PDE4A: variants seen among roughly 807,000 people sequenced by gnomAD.
PDE4A encodes the protein 3',5'-cyclic-AMP phosphodiesterase 4A.
In PDE4A, 21 loss-of-function variants were observed where a neutral mutation model predicts 73.9. The ratio of observed to expected loss-of-function variants is 0.28; its 90% CI spans 0.20 to 0.41. PDE4A has a LOEUF of 0.41. Among genes scored for constraint, PDE4A ranks in the 10% least tolerant of loss-of-function variants. The probability of loss-of-function intolerance (pLI) is 1.00; values close to 1 mark genes in which losing one functional copy is unlikely to be tolerated. For missense variants in PDE4A, 958 were observed against 1,211.4 expected (o/e 0.79, Z 3.10); for synonymous variants, 463 against 505.4 (o/e 0.92, Z 1.13).
chr19:10,461,006 A>G lies in PDE4A; in HGVS notation c.1368A>G (p.Ala456=). The G allele has an allele frequency of 6.2e-7, 1 of 1,612,016 alleles. No individual in the cohort carries two copies. Among genetic ancestry groups the G allele is most frequent in the Non-Finnish European group, 8.5e-7 (1 of 1,178,466 alleles). ...AACATCCGTGTCTCTGCTCCCAGGC[A>G]GTGTTCACGGACCTGGAGATTCTCG... ...HVLLATPALD[A]VFTDLEILAA... Residue 456 remains alanine (A), a splice_region_variant and synonymous_variant, in exon 11 of 15, where the codon GCA becomes GCG. Transcript: ENST00000380702.
In PDE4A at chr19:10,420,877, G is replaced by A; in HGVS notation, c.113G>A (p.Arg38Gln). ...CCGCAGCACCTGTGGCGGCAGCCTC[G>A]GACCCCCATCCGTATCCAGCAGCGC... is the stretch of plus-strand genomic sequence containing the variant. ...PPPQHLWRQP[R>Q]TPIRIQQRGY... The change falls in exon 1 of 15, where the codon CGG becomes CAG. Residue 38 changes from arginine to glutamine, a missense_variant. Transcript: ENST00000380702. This position sits in a 1 kb window ranked among gnomAD's most constrained non-coding sequence, Gnocchi z 6.0. The A allele has an allele frequency of 6.3e-7, 1 of 1,589,576 alleles. No homozygotes were observed. The highest frequency in any genetic ancestry group is 2.3e-5 in the East Asian group (1 of 43,720).
chr19:10,439,220 C>T (rs573578784), intron 1 of PDE4A, among the ~76,000 whole-genome samples: 16 of 151,984 alleles, frequency 1.1e-4, no homozygotes, highest in Middle Eastern at 3.4e-3. Flanking sequence ...CTCATTCTGT[C>T]GGCCAGGCTG....
chr19:10,426,290 G>A (rs1413957990), intron 1 of PDE4A, among the ~76,000 whole-genome samples: 12 of 152,272 alleles, frequency 7.9e-5, no homozygotes, highest in East Asian at 1.9e-4. Flanking sequence ...AACACTGAGC[G>A]CCTTCAGAAC....
Position 10,469,227 on chromosome 19 carries a change from A to G in PDE4A, c.*1606A>G, listed in dbSNP as rs1040260086. 6.6e-6 allele frequency: 1 copy of G among 151,648 alleles called. No individual in the cohort carries two copies. The highest frequency in any genetic ancestry group is 1.5e-5 in the Non-Finnish European group (1 of 67,820). The allele number at this position is 151,648 out of a possible 1,614,324, so 9.4% of individuals were successfully genotyped here. A position where few individuals can be genotyped will look rare whatever the true frequency, so the allele number is the denominator to read the frequency against. On this transcript the variant is annotated 3_prime_UTR_variant, in exon 15 of 15. Coordinates refer to ENST00000380702, the MANE Select transcript of PDE4A (RefSeq NM_001111307.2). ...ATACTGTAAGGTTGGTTTGTAAATT[A>G]TTCTACGGAGGCAAAAAGGGAAAAT...
At position 10,461,541 on chromosome 19, in the gene PDE4A, T is replaced by A; in HGVS notation, c.1481T>A (p.Leu494His). 6.2e-7 allele frequency: 1 copy of A among 1,614,058 alleles called. No homozygotes were observed. The highest frequency in any genetic ancestry group is 1.1e-5 in the South Asian group (1 of 91,082). ...FLINTNSELA[L>H]MYNDESVLEN... The stretch of plus-strand genomic sequence containing the variant: ...TGGGCTGCAGATTCGGAGCTGGCGC[T>A]CATGTACAACGATGAGTCGGTGCTC... The change falls in exon 12 of 15, where the codon CTC becomes CAC. Residue 494 changes from leucine (L) to histidine (H), a missense_variant. Leu to His is a moderately conservative substitution (Grantham distance 99). This residue lies in a region of PDE4A where 570 missense variants were observed against 827.7 expected (regional missense o/e 0.69). Transcript: ENST00000380702.
intron 8 of PDE4A, 48 bp from the exon 9 acceptor site, chr19:10,459,352 G>A (rs368618491): frequency 1.2e-6 from 2 of 1,613,522 alleles, no homozygotes; most frequent in Non-Finnish European, 1.7e-6. Context: ...TGTTCTCCAG[G>A]GCCCTGAGCC....
rs555257698 is a variant in PDE4A at position 10,453,255 on chromosome 19, G to A, written c.784-1574G>A. On this transcript the variant is annotated intron_variant, in intron 6 of 14. Transcript: ENST00000380702. This position sits in a 1 kb window ranked among gnomAD's most constrained non-coding sequence, Gnocchi z 4.6. ...TGTGCAGCAGCCCCAGGCGGGCTAA[G>A]TCTCCAAGATGCCCTTGGTGGATTT... 8.1e-6 allele frequency: 13 copies of A among 1,611,636 alleles called. No homozygotes were observed. The East Asian group carries it at 2.5e-4, about 30-fold the overall frequency.
At chr19:10,439,204 CAG>C (rs1408837030) in intron 1 of PDE4A, among the ~76,000 whole-genome samples, 2 of 152,062 alleles carry the variant, frequency 1.3e-5, no homozygotes, top group African/African-American at 2.4e-5. Context: ...TGGTTTCTGA[CAG>C]AGTCTCATTC....
chr19:10,451,019 G>A (rs1333149742), intron 6 of PDE4A, 78 bp downstream of exon 6: 2 of 1,388,058 alleles, frequency 1.4e-6, no homozygotes, highest in East Asian at 2.5e-5. Flanking sequence ...CGCTGGATGG[G>A]ACCAGTGGGC....
At chr19:10,462,450 C>A (rs377753854) in intron 13 of PDE4A, among the ~76,000 whole-genome samples, 1 of 151,664 alleles carries the variant, frequency 6.6e-6, no homozygotes, top group Non-Finnish European at 1.5e-5. Flanking sequence ...CGTGAGCCAC[C>A]GCGCTCAGCC....
chr19:10,447,813 G>A (rs1330505140), intron 2 of PDE4A, among the ~76,000 whole-genome samples: 1 of 152,022 alleles, frequency 6.6e-6, no homozygotes, highest in Non-Finnish European at 1.5e-5. Context: ...GACACTTGTT[G>A]AGGTGTGAGT....
intron 1 of PDE4A, among the ~76,000 whole-genome samples, chr19:10,436,843 T>C (rs1265476619): frequency 2.0e-5 from 3 of 151,898 alleles, no homozygotes; most frequent in Admixed American, 2.0e-4. Flanking sequence ...AGTTCGAGAC[T>C]GGCCTGGCCA....
At chr19:10,443,699 C>T (rs1049321400) in intron 1 of PDE4A, among the ~76,000 whole-genome samples, 13 of 151,744 alleles carry the variant, frequency 8.6e-5, no homozygotes, top group South Asian at 4.1e-4. Context: ...GGCGATAGAG[C>T]GAGATTTCAT....
At position 10,467,622 on chromosome 19, in the gene PDE4A, TC is replaced by T; in HGVS notation, c.*5del. 2 of 1,544,328 alleles carry T rather than the reference TC, an allele frequency of 1.3e-6. No homozygotes were observed. The highest frequency in any genetic ancestry group is 2.3e-5 in the East Asian group (1 of 44,122). Reference sequence around the variant, plus strand: ...GGGGTCAGGTGGAGACCCTACCTGATCCCCAGACCTCTGTCCCTGTTCCCCT... The same window carrying T: ...GGGGTCAGGTGGAGACCCTACCTGATCCCAGACCTCTGTCCCTGTTCCCCT... On this transcript the variant is annotated 3_prime_UTR_variant, in exon 15 of 15. Transcript: ENST00000380702.
upstream of PDE4A, chr19:10,417,803 G>T: frequency 6.4e-7 from 1 of 1,556,816 alleles, no homozygotes; most frequent in Non-Finnish European, 8.6e-7. Flanking sequence ...TGCCGCCACG[G>T]CCCACCACCC....
chr19:10,437,817 T>TTG (rs2042885313), intron 1 of PDE4A, among the ~76,000 whole-genome samples: 2 of 150,822 alleles, frequency 1.3e-5, no homozygotes. Flanking sequence ...GTTTTTTTTT[T>TTG]TTTTTGAGAC....
chr19:10,430,840 C>G (rs918923438), intron 1 of PDE4A: 2 of 1,166,408 alleles, frequency 1.7e-6, no homozygotes, highest in East Asian at 3.8e-5. Context: ...GGCCGCCCCG[C>G]GGCCATGGCG....
At chr19:10,418,475 G>A (rs1465072137), upstream of PDE4A, among the ~76,000 whole-genome samples, 1 of 151,800 alleles carries the variant, frequency 6.6e-6, no homozygotes, top group Non-Finnish European at 1.5e-5. Context: ...CCCTCCTCTG[G>A]TCACCGCTTT....
chr19:10,450,088 C>G (rs763983086), intron 4 of PDE4A, among the ~76,000 whole-genome samples: 1 of 151,926 alleles, frequency 6.6e-6, no homozygotes, highest in East Asian at 1.9e-4. Flanking sequence ...AGAGCAAGAC[C>G]CTGGTTCAAA....
Sources: allele counts gnomAD v4.1 joint callset (sites outside exome capture counted in the v4.1 genomes callset), GRCh38; gene constraint gnomAD v4.1.1; regional missense constraint gnomAD v4.1.1; non-coding constraint Gnocchi (gnomAD v3.1); transcripts MANE v1.5; gene names NCBI Gene and HGNC (gene_info 2026-07-23, HGNC 2026-07-21).